The following NCALD variants were observed in gnomAD, a reference collection of about 807,000 sequenced individuals.
NCALD encodes the protein neurocalcin-delta.
Under a neutral mutation model 18.6 loss-of-function variants are expected in NCALD, and 10 were observed. That is an observed-to-expected ratio of 0.54 (90% confidence interval 0.33 to 0.91). The LOEUF (loss-of-function observed/expected upper bound fraction) is 0.91, where lower values mean the gene tolerates loss of function less well. NCALD is among the 40% of genes least tolerant of loss of function. NCALD has a pLI of 0.03. For missense variants in NCALD, 184 were observed against 247.6 expected (o/e 0.74, Z 1.72); for synonymous variants, 88 against 87.4 (o/e 1.01, Z -0.04).
chr8:101,822,785 C>T (rs1813774537), intron 4 of NCALD, among the ~76,000 whole-genome samples: 1 of 152,188 alleles, frequency 6.6e-6, no homozygotes, highest in South Asian at 2.1e-4. Flanking sequence ...GGTGCTGGCC[C>T]CCCTCTGCCC....
intron 2 of NCALD, among the ~76,000 whole-genome samples, chr8:101,951,282 C>T (rs1391923823): frequency 1.3e-5 from 2 of 152,190 alleles, no homozygotes; most frequent in East Asian, 3.8e-4. Flanking sequence ...TTGTTACCTA[C>T]AGTAACTTGG....
intron 2 of NCALD, among the ~76,000 whole-genome samples, chr8:101,968,390 G>A (rs1034866773): frequency 1.3e-5 from 2 of 152,150 alleles, no homozygotes; most frequent in African/African-American, 4.8e-5. Flanking sequence ...CAAACAAGCA[G>A]ATCAATAGAT....
At chr8:101,821,805 T>A (rs1813727611) in intron 4 of NCALD, among the ~76,000 whole-genome samples, 1 of 149,456 alleles carries the variant, frequency 6.7e-6, no homozygotes. Context: ...CACTACAAAT[T>A]GGGGAAAAAA....
chr8:101,878,505 AC>A (rs1262490791), intron 4 of NCALD, among the ~76,000 whole-genome samples: 1 of 152,204 alleles, frequency 6.6e-6, no homozygotes, highest in African/African-American at 2.4e-5. Flanking sequence ...TTTCTCTCAT[AC>A]AGTCTTGCTA....
intron 1 of NCALD, among the ~76,000 whole-genome samples, chr8:102,048,520 T>A (rs1823325269): frequency 6.6e-6 from 1 of 151,932 alleles, no homozygotes; most frequent in Non-Finnish European, 1.5e-5. Flanking sequence ...AGGAGAAGAG[T>A]AAATAACACA....
chr8:102,045,717 C>T (rs963120986), intron 1 of NCALD, among the ~76,000 whole-genome samples: 1 of 152,150 alleles, frequency 6.6e-6, no homozygotes, highest in Admixed American at 6.5e-5. Context: ...TTAAAGCAGA[C>T]ATTTTATAAC....
intron 2 of NCALD, among the ~76,000 whole-genome samples, chr8:101,698,352 T>G (rs756640786): frequency 1.3e-5 from 2 of 152,164 alleles, no homozygotes; most frequent in Admixed American, 6.5e-5. Flanking sequence ...AAAATGGCCA[T>G]ACTGCCCAAA....
chr8:102,019,413 C>T (rs139035075), intron 2 of NCALD, among the ~76,000 whole-genome samples: 55 of 152,142 alleles, frequency 3.6e-4, no homozygotes, highest in African/African-American at 1.3e-3. Flanking sequence ...TCCAGAAATT[C>T]CCCTCCTGCA....
chr8:101,864,739 TGC>T (rs996302599), intron 4 of NCALD, among the ~76,000 whole-genome samples: 5 of 151,980 alleles, frequency 3.3e-5, no homozygotes, highest in African/African-American at 1.2e-4. Context: ...GAATTACAGG[TGC>T]CCAACACTAC....
intron 1 of NCALD, among the ~76,000 whole-genome samples, chr8:102,057,082 A>G (rs542871356): frequency 6.6e-6 from 1 of 152,222 alleles, no homozygotes; most frequent in African/African-American, 2.4e-5. Flanking sequence ...GTGACCTGCA[A>G]AGCCTTTTGT....
intron 2 of NCALD, among the ~76,000 whole-genome samples, chr8:101,971,504 C>T (rs758927729): frequency 9.9e-5 from 15 of 152,044 alleles, no homozygotes; most frequent in Non-Finnish European, 1.6e-4. Flanking sequence ...TCCCACTTTG[C>T]TCATTTGCTC....
At chr8:102,106,377 C>T (rs1182583562) in intron 1 of NCALD, among the ~76,000 whole-genome samples, 1 of 150,726 alleles carries the variant, frequency 6.6e-6, no homozygotes, top group Non-Finnish European at 1.5e-5. Context: ...CCTGGCGGAA[C>T]AACAATTTTC....
chr8:101,835,002 G>C (rs560824196), intron 4 of NCALD, among the ~76,000 whole-genome samples: 3 of 152,286 alleles, frequency 2.0e-5, no homozygotes, highest in African/African-American at 7.2e-5. Flanking sequence ...CTTTGTAACT[G>C]GTTCCTATCT....
chr8:102,057,334 A>G (rs1823689361), intron 1 of NCALD, among the ~76,000 whole-genome samples: 1 of 151,902 alleles, frequency 6.6e-6, no homozygotes, highest in African/African-American at 2.4e-5. Flanking sequence ...TGACTCCTGT[A>G]TCTCTTTCTT....
At chr8:101,870,223 G>A (rs1815946793) in intron 4 of NCALD, among the ~76,000 whole-genome samples, 1 of 152,098 alleles carries the variant, frequency 6.6e-6, no homozygotes, top group Non-Finnish European at 1.5e-5. Flanking sequence ...GACTTCAATA[G>A]TCTAGATATA....
rs189874079 is a variant in NCALD at position 101,947,026 on chromosome 8, A to G, written c.-156-31168T>C. 2.4e-3 allele frequency among the ~76,000 whole-genome samples: 365 copies of G among 152,288 alleles called. 4 individuals carry two copies. Among genetic ancestry groups the G allele is most frequent in the Non-Finnish European group, 3.6e-3 (247 of 68,004 alleles). ...GCTGCAGAGAAGAGCAGAGCTTTCA[A>G]TGGAAATTTTAAACAAGTGGGATCA... is the stretch of plus-strand genomic sequence containing the variant. On this transcript the variant is annotated intron_variant, in intron 2 of 6. Transcript: ENST00000311028.
intron 1 of NCALD, among the ~76,000 whole-genome samples, chr8:102,048,331 C>G (rs1156678163): frequency 6.6e-6 from 1 of 152,132 alleles, no homozygotes; most frequent in Non-Finnish European, 1.5e-5. Context: ...TCTATCACCC[C>G]AAGACTCACC....
chr8:101,951,272 T>C (rs974331132), intron 2 of NCALD, among the ~76,000 whole-genome samples: 2 of 152,354 alleles, frequency 1.3e-5, no homozygotes, highest in South Asian at 2.1e-4. Context: ...TTTGGTATAA[T>C]TGTTACCTAC....
intron 2 of NCALD, among the ~76,000 whole-genome samples, chr8:101,922,250 A>G (rs1341134948): frequency 1.3e-5 from 2 of 152,154 alleles, no homozygotes; most frequent in African/African-American, 4.8e-5. Context: ...CAGTGACTAG[A>G]GCTGACCTAT....
Sources: gnomAD v4.1 joint callset for allele counts (sites outside exome capture counted in the v4.1 genomes callset) on GRCh38, gnomAD v4.1.1 for gene constraint, MANE v1.5 for transcripts, NCBI Gene and HGNC (gene_info 2026-07-23, HGNC 2026-07-21) for gene names.